PLXNC1: variants seen among roughly 807,000 people sequenced by gnomAD.
PLXNC1 encodes plexin C1.
In PLXNC1, 75 loss-of-function variants were observed where a neutral mutation model predicts 178.2. That is an observed-to-expected ratio of 0.42 (90% CI 0.35 to 0.51). The LOEUF (loss-of-function observed/expected upper bound fraction) is 0.51, where lower values mean the gene tolerates loss of function less well. Ranked by LOEUF, PLXNC1 falls within the 20% of genes least tolerant of loss-of-function variation. The probability of loss-of-function intolerance (pLI) is 0.02; values close to 1 mark genes in which losing one functional copy is unlikely to be tolerated. For missense variants in PLXNC1, 1,503 were observed against 1,984.4 expected, an observed-to-expected ratio of 0.76 and a Z score of 4.61; for synonymous variants, 790 against 779.9, an observed-to-expected ratio of 1.01 and a Z score of -0.22.
At chr12:94,196,385 C>A (rs188679103) in intron 4 of PLXNC1, among the ~76,000 whole-genome samples, 1 of 152,200 alleles carries the variant, frequency 6.6e-6, no homozygotes, top group East Asian at 1.9e-4. Context: ...GAGAGTGTGG[C>A]ACCTGCCCCC....
chr12:94,213,222 T>C (rs941393742), intron 5 of PLXNC1, among the ~76,000 whole-genome samples: 4 of 152,226 alleles, frequency 2.6e-5, no homozygotes, highest in South Asian at 2.1e-4. Flanking sequence ...CTTGAGGGAT[T>C]GCCACACTGT....
chr12:94,287,062 A>G (rs1477715019), intron 23 of PLXNC1, among the ~76,000 whole-genome samples: 1 of 152,224 alleles, frequency 6.6e-6, no homozygotes, highest in Non-Finnish European at 1.5e-5. Context: ...AGTGCCTGGC[A>G]CTGCTCACAT....
At chr12:94,166,795 C>T (rs1036103371) in intron 1 of PLXNC1, among the ~76,000 whole-genome samples, 6 of 151,082 alleles carry the variant, frequency 4.0e-5, no homozygotes, top group Non-Finnish European at 8.8e-5. Context: ...AAGGTAAGGT[C>T]TCACTTTGTT....
chr12:94,248,107 G>A lies in PLXNC1; in HGVS notation c.2592+1G>A. 3 of 1,613,924 alleles carry A rather than the reference G, an allele frequency of 1.9e-6. No individual in the cohort carries two copies. Among genetic ancestry groups the A allele is most frequent in the Non-Finnish European group, 1.7e-6 (2 of 1,179,858 alleles). ...CACAGAACTGGAAGTGAAAATTCAAGTATGTTTCTTTTCTTTCTGGGTGGG... is the reference window on the plus strand; with the variant it reads ...CACAGAACTGGAAGTGAAAATTCAAATATGTTTCTTTTCTTTCTGGGTGGG... On this transcript the variant is annotated splice_donor_variant, in intron 13 of 30. Coordinates refer to ENST00000258526, the MANE Select transcript of PLXNC1 (RefSeq NM_005761.3). LOFTEE classifies it high-confidence loss of function.
Position 94,251,536 on chromosome 12 carries a change from C to T in PLXNC1, c.2881+8C>T. Reference sequence around the variant, plus strand: ...TAGTGATTGTCATTTTTGGTAAGTGCCCTGTTTAATTTTGTCAGAGAAATT... The same window carrying T: ...TAGTGATTGTCATTTTTGGTAAGTGTCCTGTTTAATTTTGTCAGAGAAATT... On this transcript the variant is annotated splice_region_variant and intron_variant, in intron 15 of 30. Coordinates refer to ENST00000258526, the MANE Select transcript of PLXNC1 (RefSeq NM_005761.3). 2 of 1,555,266 alleles carry T rather than the reference C, an allele frequency of 1.3e-6. No individual in the cohort carries two copies. The highest frequency in any genetic ancestry group is 1.7e-4 in the Middle Eastern group (1 of 5,940).
chr12:94,282,166 T>A (rs1403457909), intron 22 of PLXNC1, 132 bp from the exon 23 acceptor site: 1 of 638,684 alleles, frequency 1.6e-6, no homozygotes, highest in Non-Finnish European at 2.8e-6. Context: ...GCTACCAGTC[T>A]GGCTGATGCA....
chr12:94,186,838 A>T lies in PLXNC1; in HGVS notation c.1439+365A>T, dbSNP rs1454164101. 3 of 206,162 alleles carry T rather than the reference A, an allele frequency of 1.5e-5. No homozygotes were observed. In the East Asian group the frequency reaches 3.3e-4, roughly 23 times the overall value. 12.8% of individuals were successfully genotyped at this position (206,162 alleles called of 1,614,324 possible). The stretch of plus-strand genomic sequence containing the variant: ...GATAAAAGAATAGAGATGTCTGAAA[A>T]TTTTTCAGCTGAATCCCCATCATGT... On this transcript the variant is annotated intron_variant, in intron 4 of 30. Transcript: ENST00000258526.
chr12:94,239,328 C>T (rs1964318587), intron 10 of PLXNC1, among the ~76,000 whole-genome samples: 6 of 152,192 alleles, frequency 3.9e-5, no homozygotes, highest in Admixed American at 3.9e-4. Flanking sequence ...GAATGACCTA[C>T]ATTTTCACCT....
At chr12:94,212,449 A>G (rs949020599) in intron 5 of PLXNC1, among the ~76,000 whole-genome samples, 23 of 151,834 alleles carry the variant, frequency 1.5e-4, no homozygotes, top group African/African-American at 5.3e-4. Context: ...TACATTAGGT[A>G]TTTCTCCTAA....
chr12:94,271,406 C>A (rs7970004), intron 21 of PLXNC1, among the ~76,000 whole-genome samples: 1 of 152,088 alleles, frequency 6.6e-6, no homozygotes, highest in Non-Finnish European at 1.5e-5. Context: ...ATCCTGCCAG[C>A]CCCCTGCAGC....
chr12:94,168,092 TA>T (rs1280786573), intron 1 of PLXNC1: 7 of 152,218 alleles, frequency 4.6e-5, no homozygotes, highest in African/African-American at 1.7e-4. Context: ...TAATAAGTCT[TA>T]GCCTCCCCCT....
rs375593880 is a variant in PLXNC1 at position 94,304,252 on chromosome 12, A to G, written c.4602+201A>G. ...CCCTTACAGTTTTATCATGCTGCCC[A>G]CATTTGGACCAGCCTGAATTTACAT... is the stretch of plus-strand genomic sequence containing the variant. On this transcript the variant is annotated intron_variant, in intron 30 of 30. Coordinates refer to ENST00000258526, the MANE Select transcript of PLXNC1 (RefSeq NM_005761.3). 172 of 459,846 alleles carry G rather than the reference A, an allele frequency of 3.7e-4. 2 individuals are homozygous for G. In the East Asian group the frequency reaches 5.3e-3, roughly 14 times the overall value. The allele number at this position is 459,846 out of a possible 1,614,324, so 28.5% of individuals were successfully genotyped here.
intron 23 of PLXNC1, among the ~76,000 whole-genome samples, chr12:94,292,882 C>G (rs1385704327): frequency 6.6e-6 from 1 of 152,180 alleles, no homozygotes; most frequent in Non-Finnish European, 1.5e-5. Flanking sequence ...TATATACCTA[C>G]AGAAAAACAA....
intron 4 of PLXNC1, 166 bp downstream of exon 4, chr12:94,186,639 C>G: frequency 1.8e-6 from 1 of 570,832 alleles, no homozygotes; most frequent in Admixed American, 2.6e-5. Context: ...GAAGGTGTTT[C>G]CAGCGGCGTC....
intron 14 of PLXNC1, among the ~76,000 whole-genome samples, chr12:94,249,296 G>T (rs566070623): frequency 6.6e-6 from 1 of 152,100 alleles, no homozygotes; most frequent in Non-Finnish European, 1.5e-5. Flanking sequence ...ACAGTGGCAC[G>T]ATCTTGGCTT....
chr12:94,241,672 G>A (rs948722689), intron 11 of PLXNC1, among the ~76,000 whole-genome samples: 3 of 152,132 alleles, frequency 2.0e-5, no homozygotes, highest in Admixed American at 6.6e-5. Context: ...TTCCATCTGT[G>A]TTGTTGCAAA....
At chr12:94,278,173 A>C (rs1430676516) in intron 21 of PLXNC1, 1 of 384,606 alleles carries the variant, frequency 2.6e-6, no homozygotes, top group African/African-American at 2.1e-5. Flanking sequence ...AATTCCCATT[A>C]CTTGATCATT....
At chr12:94,296,904 T>C (rs907198957) in intron 24 of PLXNC1, among the ~76,000 whole-genome samples, 13 of 152,130 alleles carry the variant, frequency 8.5e-5, no homozygotes, top group African/African-American at 2.9e-4. Flanking sequence ...GTGTTCTAGG[T>C]ACATTTGTTA....
intron 20 of PLXNC1, among the ~76,000 whole-genome samples, chr12:94,264,095 C>T (rs1965097069): frequency 6.6e-6 from 1 of 152,128 alleles, no homozygotes; most frequent in South Asian, 2.1e-4. Context: ...TTCCCAGCCA[C>T]GGTTCTTCCT....
Sources: gnomAD v4.1 joint callset for allele counts (sites outside exome capture counted in the v4.1 genomes callset) on GRCh38, gnomAD v4.1.1 for gene constraint, MANE v1.5 for transcripts, NCBI Gene and HGNC (gene_info 2026-07-23, HGNC 2026-07-21) for gene names.